Variants in NFIC observed in about 807,000 individuals in gnomAD.
NFIC encodes nuclear factor I C, also known as nuclear factor 1 C-type.
NFIC carries 12 observed loss-of-function variants against 54.4 expected under a neutral mutation model. The observed-to-expected ratio is 0.22, with a 90% confidence interval of 0.14 to 0.36. NFIC has a LOEUF of 0.36. Among genes scored for constraint, NFIC ranks in the 10% least tolerant of loss-of-function variants. The pLI, the probability that NFIC is intolerant of heterozygous loss-of-function variation, is 1.00. For missense variants in NFIC, 575 were observed against 718.2 expected (o/e 0.80, Z 2.28); for synonymous variants, 322 against 319.2 (o/e 1.01, Z -0.09).
rs1301400057 is a variant in NFIC, at chr19:3,375,347, T to C, written c.31-6365T>C. 1.3e-5 allele frequency among the ~76,000 whole-genome samples: 2 copies of C among 152,118 alleles called. No individual in the cohort carries two copies. Among genetic ancestry groups the C allele is most frequent in the African/African-American group, 2.4e-5 (1 of 41,410 alleles). On this transcript the variant is annotated intron_variant, in intron 1 of 10. Coordinates refer to ENST00000443272, the MANE Select transcript of NFIC (RefSeq NM_001245002.2). This position sits in a 1 kb window ranked among gnomAD's most constrained non-coding sequence, Gnocchi z 4.6. ...AGGTCCTGCGCCTCTATGGGTCCTC[T>C]CTGCCGCGTCCCACTGTGCCCCCCA...
intron 5 of NFIC, 73 bp from the exon 6 acceptor site, chr19:3,435,010 G>A: frequency 1.4e-6 from 2 of 1,476,290 alleles, no homozygotes; most frequent in Non-Finnish European, 1.8e-6. Flanking sequence ...ACCGGAAGTA[G>A]CAAAGCCCGC....
intron 2 of NFIC, among the ~76,000 whole-genome samples, chr19:3,394,315 C>CA (rs1264023893): frequency 1.3e-5 from 2 of 151,488 alleles, no homozygotes; most frequent in African/African-American, 2.4e-5. Flanking sequence ...CTTGTCTCTA[C>CA]AAAAAAATTA....
At chr19:3,448,892 T>C (rs2082412338) in intron 6 of NFIC, 122 bp from the exon 7 acceptor site, 2 of 1,426,432 alleles carry the variant, frequency 1.4e-6, no homozygotes, top group Non-Finnish European at 9.5e-7. Flanking sequence ...CCCTCAGGAT[T>C]CTGGGGTAAG....
At chr19:3,383,890 G>T (rs2081251739) in intron 2 of NFIC, among the ~76,000 whole-genome samples, 1 of 152,140 alleles carries the variant, frequency 6.6e-6, no homozygotes, top group Non-Finnish European at 1.5e-5. Context: ...CTTTTCCCCA[G>T]CTGTATGGAC....
At chr19:3,377,249 G>A (rs1017981601) in intron 1 of NFIC, among the ~76,000 whole-genome samples, 2 of 146,082 alleles carry the variant, frequency 1.4e-5, no homozygotes, top group African/African-American at 5.0e-5. Flanking sequence ...CAGGAGAATG[G>A]CGTGAACCCG....
rs1046087632 is a variant in NFIC at position 3,442,288 on chromosome 19, G to A, written c.959-6726G>A. ...GCTTGTGTAGCTCCCCCTTGAAGGC[G>A]ACAAAGGTCCCGTCCACAGGCGGTT... On this transcript the variant is annotated intron_variant, in intron 6 of 10. Coordinates refer to ENST00000443272, the MANE Select transcript of NFIC (RefSeq NM_001245002.2). Among the ~76,000 whole-genome samples the A allele has an allele frequency of 2.6e-5, 4 of 152,048 alleles. No individual in the cohort carries two copies. The South Asian group carries it at 8.3e-4, about 31-fold the overall frequency.
upstream of NFIC, among the ~76,000 whole-genome samples, chr19:3,365,240 G>A (rs951787156): frequency 6.6e-6 from 1 of 152,238 alleles, no homozygotes; most frequent in Non-Finnish European, 1.5e-5. Context: ...AGCTTGGTGA[G>A]AGGGTATCAT....
intron 4 of NFIC, among the ~76,000 whole-genome samples, 183 bp downstream of exon 4, chr19:3,433,775 C>G (rs1048978032): frequency 6.6e-6 from 1 of 152,114 alleles, no homozygotes; most frequent in Non-Finnish European, 1.5e-5. Context: ...AGGGCTCCCT[C>G]CCACCTCTCC....
chr19:3,367,353 T>A (rs1599549528), intron 1 of NFIC, among the ~76,000 whole-genome samples: 1 of 146,832 alleles, frequency 6.8e-6, no homozygotes, highest in Admixed American at 6.7e-5. Flanking sequence ...GCATCGATTC[T>A]GGATTCTGGA....
At position 3,376,768 on chromosome 19, in the gene NFIC, G is replaced by A. The variant is rs1480912134; in HGVS notation, c.31-4944G>A. Among the ~76,000 whole-genome samples, 23 of 152,038 alleles carry A rather than the reference G, an allele frequency of 1.5e-4. No individual in the cohort carries two copies. The South Asian group carries it at 2.7e-3, about 18-fold the overall frequency. The stretch of plus-strand genomic sequence containing the variant: ...TTTGAGACGGAGTCTCGCTCTTGTT[G>A]CCCAGGCTGGAGTGCAATGGCGCGA... On this transcript the variant is annotated intron_variant, in intron 1 of 10. Transcript: ENST00000443272.
At chr19:3,410,739 C>A (rs1374143141) in intron 2 of NFIC, 1 of 152,290 alleles carries the variant, frequency 6.6e-6, no homozygotes, top group Non-Finnish European at 1.5e-5. Context: ...CTCTAGCTAT[C>A]CCCGTCCCCT....
At chr19:3,436,194 G>T (rs1485095758) in intron 6 of NFIC, among the ~76,000 whole-genome samples, 1 of 151,862 alleles carries the variant, frequency 6.6e-6, no homozygotes, top group Non-Finnish European at 1.5e-5. Context: ...GCCCAGGCTG[G>T]AGTGCCGGGG....
chr19:3,373,034 G>A (rs1260612983), intron 1 of NFIC, among the ~76,000 whole-genome samples: 1 of 152,090 alleles, frequency 6.6e-6, no homozygotes, highest in Non-Finnish European at 1.5e-5. Context: ...TAGTAGAGAT[G>A]GGGTTTCACC....
At chr19:3,450,069 G>A (rs1388090786) in intron 7 of NFIC, among the ~76,000 whole-genome samples, 1 of 152,088 alleles carries the variant, frequency 6.6e-6, no homozygotes, top group Non-Finnish European at 1.5e-5. Context: ...AAAAGGCTAA[G>A]TGCAAGTGGC....
intron 9 of NFIC, among the ~76,000 whole-genome samples, chr19:3,455,643 C>T (rs1016965556): frequency 2.6e-5 from 4 of 151,090 alleles, no homozygotes; most frequent in African/African-American, 9.8e-5. Flanking sequence ...ATGCCCAGAG[C>T]CTGGTTTACA....
intron 9 of NFIC, among the ~76,000 whole-genome samples, chr19:3,456,147 G>C (rs2082551085): frequency 6.6e-6 from 1 of 152,256 alleles, no homozygotes. Flanking sequence ...CCGGGAGGAA[G>C]ATTAATAAAT....
intron 2 of NFIC, among the ~76,000 whole-genome samples, chr19:3,397,917 G>A (rs1041206846): frequency 2.6e-5 from 4 of 152,196 alleles, no homozygotes; most frequent in Admixed American, 2.6e-4. Flanking sequence ...AGGCCTGTCT[G>A]GAGCAGGAGA....
chr19:3,402,834 G>A (rs977419723), intron 2 of NFIC, among the ~76,000 whole-genome samples: 16 of 152,152 alleles, frequency 1.1e-4, no homozygotes, highest in African/African-American at 3.9e-4. Flanking sequence ...AGGTGCATTG[G>A]AGGAACAGCG....
At position 3,460,672 on chromosome 19, in the gene NFIC, C is replaced by G. The variant is rs374263050; in HGVS notation, c.1510-2080C>G. On this transcript the variant is annotated intron_variant, in intron 10 of 10. Transcript: ENST00000443272. ...GGGATTACAGGCACGTGCCACCACG[C>G]CTGGCTAATTTTTGTATTTTTAGTA... 3.9e-5 allele frequency among the ~76,000 whole-genome samples: 6 copies of G among 152,150 alleles called. No homozygotes were observed. In the East Asian group the frequency reaches 1.2e-3, roughly 30 times the overall value.
Sources: gnomAD v4.1 joint callset for allele counts (sites outside exome capture counted in the v4.1 genomes callset) on GRCh38, gnomAD v4.1.1 for gene constraint, Gnocchi (gnomAD v3.1) non-coding constraint, MANE v1.5 for transcripts, NCBI Gene and HGNC (gene_info 2026-07-23, HGNC 2026-07-21) for gene names.